The following ADAMTS6 variants were observed in gnomAD, a reference collection of about 807,000 sequenced individuals.
The protein encoded by ADAMTS6 is A disintegrin and metalloproteinase with thrombospondin motifs 6.
ADAMTS6 carries 23 observed loss-of-function variants against 144.3 expected under a neutral mutation model. The observed-to-expected ratio is 0.16, with a 90% CI of 0.11 to 0.23. The LOEUF (loss-of-function observed/expected upper bound fraction) is 0.23. ADAMTS6 is among the 10% of genes least tolerant of loss of function. ADAMTS6 has a pLI of 1.00. For missense variants in ADAMTS6, 999 were observed against 1,379.6 expected (o/e 0.72, Z 4.37); for synonymous variants, 444 against 457.5 (o/e 0.97, Z 0.38).
At position 65,473,716 on chromosome 5, in the gene ADAMTS6, C is replaced by T. The variant is rs1476226808; in HGVS notation, c.-43G>A. 2 of 1,450,850 alleles carry T rather than the reference C, an allele frequency of 1.4e-6. No homozygotes were observed. Among genetic ancestry groups the T allele is most frequent in the Non-Finnish European group, 1.9e-6 (2 of 1,032,084 alleles). 89.9% of individuals were successfully genotyped at this position (1,450,850 alleles called of 1,614,324 possible). On this transcript the variant is annotated 5_prime_UTR_variant, in exon 2 of 25. It removes the in-frame stop codon of an upstream open reading frame in the 5' UTR. Transcript: ENST00000381055. Reference sequence around the variant, plus strand: ...GATTTTTTTGAGGGCTACCTATGTGCTAAAGAGTCAATACCATACCAAAAT... The same window carrying T: ...GATTTTTTTGAGGGCTACCTATGTGTTAAAGAGTCAATACCATACCAAAAT...
chr5:65,476,959 A>C (rs919892055), intron 1 of ADAMTS6, among the ~76,000 whole-genome samples: 13 of 152,194 alleles, frequency 8.5e-5, no homozygotes, highest in African/African-American at 2.9e-4. Flanking sequence ...ATAGTTTTTA[A>C]CAACTTCACA....
intron 7 of ADAMTS6, among the ~76,000 whole-genome samples, chr5:65,348,154 T>C (rs1297256613): frequency 6.6e-6 from 1 of 152,082 alleles, no homozygotes; most frequent in Non-Finnish European, 1.5e-5. Context: ...GATCCAGCTA[T>C]CCCATTTATG....
At chr5:65,247,599 A>T (rs574111043) in intron 14 of ADAMTS6, among the ~76,000 whole-genome samples, 1 of 152,290 alleles carries the variant, frequency 6.6e-6, no homozygotes, top group African/African-American at 2.4e-5. Flanking sequence ...AAATTCTGAA[A>T]ATGATGTATC....
chr5:65,412,165 A>T (rs1303928431), intron 7 of ADAMTS6, among the ~76,000 whole-genome samples: 1 of 152,196 alleles, frequency 6.6e-6, no homozygotes, highest in Non-Finnish European at 1.5e-5. Context: ...AAAGATCTTT[A>T]ATGCTATAAA....
intron 7 of ADAMTS6, among the ~76,000 whole-genome samples, chr5:65,337,763 A>G (rs919718814): frequency 6.6e-6 from 1 of 152,080 alleles, no homozygotes; most frequent in Non-Finnish European, 1.5e-5. Flanking sequence ...TCTACATCCC[A>G]TCAACTCTTC....
chr5:65,288,275 C>T (rs1042725642), intron 11 of ADAMTS6, among the ~76,000 whole-genome samples: 2 of 151,078 alleles, frequency 1.3e-5, no homozygotes, highest in African/African-American at 4.9e-5. Context: ...ATAGATCCTT[C>T]GGTAGTTCTT....
chr5:65,368,156 T>A lies in ADAMTS6; in HGVS notation c.1074-34071A>T, dbSNP rs541481738. ...GTCCTAGTGTGTCTGTTTTGCCCTC[T>A]TATTCCAATTTCACATTTCCCTGTA... is the stretch of plus-strand genomic sequence containing the variant. On this transcript the variant is annotated intron_variant, in intron 7 of 24. Transcript: ENST00000381055. Among the ~76,000 whole-genome samples the A allele has an allele frequency of 8.5e-5, 13 of 152,314 alleles. 1 individual carries two copies. The highest frequency in any genetic ancestry group is 3.1e-4 in the African/African-American group (13 of 41,570).
chr5:65,436,857 CAA>C (rs34040574), intron 7 of ADAMTS6, among the ~76,000 whole-genome samples: 11 of 114,570 alleles, frequency 9.6e-5, no homozygotes, highest in African/African-American at 2.0e-4. Flanking sequence ...GACTCTGTCT[CAA>C]AAAAAAAAAA....
chr5:65,427,798 A>C (rs80255372), intron 7 of ADAMTS6, among the ~76,000 whole-genome samples: 1 of 103,934 alleles, frequency 9.6e-6, no homozygotes, highest in South Asian at 2.5e-4. Context: ...ACTCGGTCTC[A>C]AAAAAAAAAA....
At chr5:65,259,994 G>A (rs1489001876) in intron 14 of ADAMTS6, among the ~76,000 whole-genome samples, 2 of 152,114 alleles carry the variant, frequency 1.3e-5, no homozygotes, top group Non-Finnish European at 2.9e-5. Context: ...AGGGCTAAGA[G>A]AGAAAACAAA....
chr5:65,400,403 C>A (rs1175469340), intron 7 of ADAMTS6, among the ~76,000 whole-genome samples: 1 of 151,906 alleles, frequency 6.6e-6, no homozygotes, highest in Non-Finnish European at 1.5e-5. Context: ...GTTGTAGAAA[C>A]CAGGGTGTTG....
At chr5:65,202,181 T>C (rs1406778974) in intron 20 of ADAMTS6, among the ~76,000 whole-genome samples, 4 of 152,234 alleles carry the variant, frequency 2.6e-5, no homozygotes, top group Non-Finnish European at 5.9e-5. Context: ...TTCCCTTCTC[T>C]TTTCAGTGTC....
chr5:65,427,626 G>A (rs1342471200), intron 7 of ADAMTS6, among the ~76,000 whole-genome samples: 8 of 151,856 alleles, frequency 5.3e-5, no homozygotes, highest in East Asian at 1.9e-4. Flanking sequence ...GTGAAACCCC[G>A]TCTCTACTAA....
intron 7 of ADAMTS6, among the ~76,000 whole-genome samples, chr5:65,424,919 T>C (rs1756378556): frequency 6.6e-6 from 1 of 152,180 alleles, no homozygotes; most frequent in Admixed American, 6.5e-5. Flanking sequence ...CCTTTTGAAT[T>C]TAATTCCGCT....
chr5:65,437,933 T>C (rs1394671578), intron 7 of ADAMTS6, among the ~76,000 whole-genome samples: 2 of 152,240 alleles, frequency 1.3e-5, no homozygotes, highest in Non-Finnish European at 2.9e-5. Flanking sequence ...TTCAAAAAAG[T>C]ATTTTTAATA....
chr5:65,239,279 T>C (rs1264723465), intron 15 of ADAMTS6, among the ~76,000 whole-genome samples: 1 of 128,070 alleles, frequency 7.8e-6, no homozygotes, highest in African/African-American at 3.2e-5. Context: ...AAAAAAAAAC[T>C]GTGTTCATGA....
At chr5:65,466,866 C>T (rs1324855844) in intron 3 of ADAMTS6, among the ~76,000 whole-genome samples, 2 of 152,080 alleles carry the variant, frequency 1.3e-5, no homozygotes, top group Admixed American at 6.5e-5. Context: ...CACAGTGAAA[C>T]CCCGTCTCTA....
In ADAMTS6 at chr5:65,473,600, T is replaced by C; in HGVS notation, c.74A>G (p.His25Arg). The change falls in exon 2 of 25, where the codon CAC (histidine) becomes CGC (arginine). Residue 25 changes from histidine to arginine, a missense_variant. By Grantham distance (29) the His-to-Arg change is conservative. This residue lies in a region of ADAMTS6 where 252 missense variants were observed against 293.7 expected (regional missense o/e 0.86). Coordinates refer to ENST00000381055, the MANE Select transcript of ADAMTS6 (RefSeq NM_197941.4). Reference protein sequence around the residue: ...IMASSEFHSDHRLSYSSQEEF... With the variant: ...IMASSEFHSDRRLSYSSQEEF... ...ACCTTGAGAACTGTATGAAAGCCTG[T>C]GGTCACTATGAAATTCCGATGAAGC... 6.2e-7 allele frequency: 1 copy of C among 1,613,724 alleles called. No individual in the cohort carries two copies. Among genetic ancestry groups the C allele is most frequent in the Non-Finnish European group, 8.5e-7 (1 of 1,179,678 alleles).
intron 4 of ADAMTS6, among the ~76,000 whole-genome samples, chr5:65,459,080 T>C (rs1403692718): frequency 6.6e-6 from 1 of 151,944 alleles, no homozygotes; most frequent in African/African-American, 2.4e-5. Context: ...TCTCGCTATA[T>C]TGCCCAGGCA....
Sources: allele counts gnomAD v4.1 joint callset (sites outside exome capture counted in the v4.1 genomes callset), GRCh38; gene constraint gnomAD v4.1.1; regional missense constraint gnomAD v4.1.1; transcripts MANE v1.5; gene names NCBI Gene and HGNC (gene_info 2026-07-23, HGNC 2026-07-21).